Variants in MAD1L1 observed in about 807,000 individuals in gnomAD.
MAD1L1 encodes the protein mitotic spindle assembly checkpoint protein MAD1.
Under a neutral mutation model 96.9 loss-of-function variants are expected in MAD1L1, and 95 were observed. That is an observed-to-expected ratio of 0.98 (90% confidence interval 0.83 to 1.16). The LOEUF (loss-of-function observed/expected upper bound fraction) is 1.16. Among genes scored for constraint, MAD1L1 ranks in the 50% most tolerant of loss-of-function variants. The pLI, the probability that MAD1L1 is intolerant of heterozygous loss-of-function variation, is 0.00. For missense variants in MAD1L1, 1,007 were observed against 954.4 expected, an observed-to-expected ratio of 1.06 and a Z score of -0.73; for synonymous variants, 473 against 396.6, an observed-to-expected ratio of 1.19 and a Z score of -2.29.
chr7:1,830,227 T>A (rs1243509875), intron 18 of MAD1L1, among the ~76,000 whole-genome samples: 2 of 152,160 alleles, frequency 1.3e-5, no homozygotes, highest in Admixed American at 6.5e-5. Context: ...TGAAACCCTG[T>A]TTCTACTAAA....
chr7:2,068,109 G>A (rs550236314), intron 12 of MAD1L1, among the ~76,000 whole-genome samples: 2 of 152,348 alleles, frequency 1.3e-5, no homozygotes, highest in East Asian at 1.9e-4. Context: ...AGACAGCTCC[G>A]GCTGAAAAGC....
chr7:2,099,480 T>A (rs1302957008), intron 11 of MAD1L1, among the ~76,000 whole-genome samples: 1 of 152,248 alleles, frequency 6.6e-6, no homozygotes, highest in Non-Finnish European at 1.5e-5. Flanking sequence ...GTTCAAGCAC[T>A]TTTTTCTTTT....
At chr7:2,149,291 T>C in intron 10 of MAD1L1, 53 bp from the exon 11 acceptor site, 1 of 1,436,172 alleles carries the variant, frequency 7.0e-7, no homozygotes, top group Non-Finnish European at 9.8e-7. Flanking sequence ...GAAGTAAACC[T>C]GATTCTGCAC....
intron 13 of MAD1L1, among the ~76,000 whole-genome samples, chr7:2,002,647 C>T (rs952455564): frequency 1.3e-5 from 2 of 152,170 alleles, no homozygotes; most frequent in African/African-American, 4.8e-5. Context: ...TCTCCTGCCC[C>T]GACACACTCC....
intron 18 of MAD1L1, among the ~76,000 whole-genome samples, chr7:1,887,373 G>C (rs1369956235): frequency 1.3e-5 from 2 of 151,868 alleles, no homozygotes; most frequent in East Asian, 3.9e-4. Context: ...GTGGGTGGCT[G>C]TGCATGCGTG....
chr7:2,062,804 G>C lies in MAD1L1; in HGVS notation c.1218+6390C>G, dbSNP rs548594254. 2.6e-5 allele frequency among the ~76,000 whole-genome samples: 4 copies of C among 152,286 alleles called. No homozygotes were observed. In the East Asian group the frequency reaches 7.7e-4, roughly 29 times the overall value. On this transcript the variant is annotated intron_variant, in intron 12 of 18. Transcript: ENST00000265854. ...CACTGTGCAGCACCCACCGCAGGAAGGCAAAACTGGAACACCTCACACGTC... is the reference window on the plus strand; with the variant it reads ...CACTGTGCAGCACCCACCGCAGGAACGCAAAACTGGAACACCTCACACGTC...
At chr7:2,101,807 G>A (rs1218251901) in intron 11 of MAD1L1, among the ~76,000 whole-genome samples, 1 of 152,170 alleles carries the variant, frequency 6.6e-6, no homozygotes, top group Non-Finnish European at 1.5e-5. Context: ...TGTTGGCTCC[G>A]TGCACACAGG....
intron 14 of MAD1L1, among the ~76,000 whole-genome samples, chr7:1,998,667 G>T (rs561011896): frequency 3.3e-5 from 5 of 152,290 alleles, no homozygotes; most frequent in South Asian, 4.1e-4. Context: ...TCACTGAGAA[G>T]GAAGCACCGA....
At chr7:2,181,915 G>C (rs1032916601) in intron 10 of MAD1L1, among the ~76,000 whole-genome samples, 1 of 151,954 alleles carries the variant, frequency 6.6e-6, no homozygotes, top group Non-Finnish European at 1.5e-5. Context: ...TCTTCTAAGC[G>C]AAGAAACTCA....
chr7:2,157,751 C>T (rs944209549), intron 10 of MAD1L1, among the ~76,000 whole-genome samples: 2 of 152,224 alleles, frequency 1.3e-5, no homozygotes, highest in Admixed American at 6.5e-5. Flanking sequence ...GCCTTCGCCA[C>T]ACATCAAATC....
At position 1,892,047 on chromosome 7, in the gene MAD1L1, G is replaced by A. The variant is rs116106195; in HGVS notation, c.1998+6153C>T. On this transcript the variant is annotated intron_variant, in intron 18 of 18. Transcript: ENST00000265854. ...AGCACCCGCCAGCCCTGCGAGCTCC[G>A]TTCACGGTGAGCACCCTACGCAGGT... Among the ~76,000 whole-genome samples, 5 of 152,262 alleles carry A rather than the reference G, an allele frequency of 3.3e-5. No homozygotes were observed. In the South Asian group the frequency reaches 6.2e-4, roughly 19 times the overall value.
intron 12 of MAD1L1, among the ~76,000 whole-genome samples, chr7:2,058,107 G>A (rs1201027554): frequency 2.6e-5 from 2 of 78,398 alleles, no homozygotes; most frequent in African/African-American, 6.4e-5. Context: ...AGGGAGTGTG[G>A]CCAGAGGAGA....
Position 1,898,286 on chromosome 7 carries a change from C to G in MAD1L1, c.1912G>C (p.Gly638Arg). The change falls in exon 18 of 19, where the codon GGC (glycine) becomes CGC (arginine). Residue 638 changes from glycine (G) to arginine (R), a missense_variant. Transcript: ENST00000265854. ...TCCGTGGTGATGTCGATCTGGTAGCCGGTGAGCGTGTAGCAGGCCTTGCGG... is the reference window on the plus strand; with the variant it reads ...TCCGTGGTGATGTCGATCTGGTAGCGGGTGAGCGTGTAGCAGGCCTTGCGG... ...EFRKACYTLT[G>R]YQIDITTENQ... is the part of the protein sequence containing the mutation. 6.2e-7 allele frequency: 1 copy of G among 1,614,102 alleles called. No homozygotes were observed.
At chr7:1,942,424 T>A (rs1316411250) in intron 16 of MAD1L1, among the ~76,000 whole-genome samples, 1 of 152,104 alleles carries the variant, frequency 6.6e-6, no homozygotes, top group Non-Finnish European at 1.5e-5. Context: ...GGCACACCAT[T>A]CCATGCCTCG....
intron 15 of MAD1L1, among the ~76,000 whole-genome samples, chr7:1,975,309 G>A (rs1780587627): frequency 6.6e-6 from 1 of 152,216 alleles, no homozygotes. Flanking sequence ...GCATCTGAGG[G>A]TGACCTCTTT....
At chr7:1,895,514 A>C (rs1485990516) in intron 18 of MAD1L1, among the ~76,000 whole-genome samples, 1 of 152,172 alleles carries the variant, frequency 6.6e-6, no homozygotes, top group Non-Finnish European at 1.5e-5. Flanking sequence ...TACTTTACTT[A>C]ATCTCCCTGA....
intron 18 of MAD1L1, among the ~76,000 whole-genome samples, chr7:1,873,433 G>A (rs1200831848): frequency 1.3e-5 from 2 of 152,062 alleles, no homozygotes; most frequent in African/African-American, 4.8e-5. Context: ...GAGTCCTGGA[G>A]GATGCGAGGG....
At chr7:1,997,762 C>T (rs982604386) in intron 14 of MAD1L1, among the ~76,000 whole-genome samples, 4 of 152,206 alleles carry the variant, frequency 2.6e-5, no homozygotes, top group Non-Finnish European at 5.9e-5. Flanking sequence ...CTGGCAGGGG[C>T]CAGCCCCAAC....
rs34240381 is a variant in MAD1L1 at position 1,970,331 on chromosome 7, C to CTT, written c.1505+10120_1505+10121dup. On this transcript the variant is annotated intron_variant, in intron 15 of 18. Transcript: ENST00000265854. Reference sequence around the variant, plus strand: ...TTTTACTATATAATTTTAATTTTTACTTTTTTTTTTTTTTTTTTTTTTGAG... The same window carrying CTT: ...TTTTACTATATAATTTTAATTTTTACTTTTTTTTTTTTTTTTTTTTTTTTGAG... Among the ~76,000 whole-genome samples, 807 of 116,464 alleles carry CTT rather than the reference C, an allele frequency of 6.9e-3. 2 individuals carry two copies. The highest frequency in any genetic ancestry group is 9.2e-3 in the Non-Finnish European group (520 of 56,338). 76.4% of individuals were successfully genotyped at this position (116,464 alleles called of 152,430 possible). A position where few individuals can be genotyped will look rare whatever the true frequency, so the allele number is the denominator to read the frequency against.
Sources: allele counts gnomAD v4.1 joint callset (sites outside exome capture counted in the v4.1 genomes callset), GRCh38; gene constraint gnomAD v4.1.1; transcripts MANE v1.5; gene names NCBI Gene and HGNC (gene_info 2026-07-23, HGNC 2026-07-21).